The following BRD9 variants were observed in gnomAD, a reference collection of about 807,000 sequenced individuals.
The protein encoded by BRD9 is bromodomain-containing protein 9.
In BRD9, 47 loss-of-function variants were observed where a neutral mutation model predicts 68.7. That is an observed-to-expected ratio of 0.68 (90% CI 0.54 to 0.87). BRD9 has a LOEUF of 0.87. BRD9 is among the 40% of genes least tolerant of loss of function. BRD9 has a pLI of 0.00. For missense variants in BRD9, 670 were observed against 748.4 expected (o/e 0.90, Z 1.22); for synonymous variants, 313 against 293.9 (o/e 1.06, Z -0.67).
At chr5:870,300 A>G in intron 14 of BRD9, 173 bp downstream of exon 14, 1 of 597,328 alleles carries the variant, frequency 1.7e-6, no homozygotes, top group Non-Finnish European at 3.0e-6. Flanking sequence ...AGGAGATTCC[A>G]AGGATTTTAG....
intron 15 of BRD9, 59 bp downstream of exon 15, chr5:865,355 G>C: frequency 6.7e-7 from 1 of 1,503,088 alleles, no homozygotes; most frequent in Admixed American, 2.1e-5. Flanking sequence ...ACCTCGTCTA[G>C]ACGTCACACT....
intron 7 of BRD9, among the ~76,000 whole-genome samples, chr5:885,243 A>C (rs1051367619): frequency 5.9e-5 from 9 of 152,330 alleles, no homozygotes; most frequent in East Asian, 3.9e-4. Context: ...AATGCAACGC[A>C]CGTGGGGAGA....
chr5:887,247 T>G, intron 6 of BRD9, 114 bp downstream of exon 6: 227 of 869,070 alleles, frequency 2.6e-4, no homozygotes, highest in Middle Eastern at 5.5e-4. Flanking sequence ...GGCAACACCA[T>G]GAGGGTGGCG....
chr5:878,348 C>T lies in BRD9; in HGVS notation c.1271+7G>A. On this transcript the variant is annotated splice_region_variant and intron_variant, in intron 11 of 15. Transcript: ENST00000467963. ...GCAGCCAAGGGCTCCCCGGGGCCGACACTTGCCTCAGCGCACACTGCACGC... is the reference window on the plus strand; with the variant it reads ...GCAGCCAAGGGCTCCCCGGGGCCGATACTTGCCTCAGCGCACACTGCACGC... 5 of 1,613,580 alleles carry T rather than the reference C, an allele frequency of 3.1e-6. No homozygotes were observed. The highest frequency in any genetic ancestry group is 2.2e-5 in the East Asian group (1 of 44,882).
At chr5:875,335 A>G (rs987464766) in intron 12 of BRD9, among the ~76,000 whole-genome samples, 1 of 151,238 alleles carries the variant, frequency 6.6e-6, no homozygotes, top group African/African-American at 2.4e-5. Context: ...CAAAGATGAC[A>G]ATGACTTCAG....
chr5:887,322 CT>C, intron 6 of BRD9, 38 bp downstream of exon 6: 1 of 1,548,706 alleles, frequency 6.5e-7, no homozygotes, highest in Non-Finnish European at 8.9e-7. Flanking sequence ...GGCAGAGCCC[CT>C]GCTTTCCGTA....
chr5:892,752 C>CCA lies in BRD9; in HGVS notation c.-96_-95insTG, dbSNP rs1560939044. On this transcript the variant is annotated 5_prime_UTR_variant, in exon 1 of 16. Coordinates refer to ENST00000467963, the MANE Select transcript of BRD9 (RefSeq NM_023924.5). The stretch of plus-strand genomic sequence containing the variant: ...CCGCCCCCTGGCCCTGGCTGGCCGC[C>CCA]CGCGCTCGCTGCGCCGAGGTTGCCG... 1.7e-6 allele frequency: 2 copies of CCA among 1,177,938 alleles called. No individual in the cohort carries two copies. Among genetic ancestry groups the CCA allele is most frequent in the African/African-American group, 3.2e-5 (2 of 62,536 alleles). The allele number at this position is 1,177,938 out of a possible 1,614,324, so 73.0% of individuals were successfully genotyped here.
intron 3 of BRD9, among the ~76,000 whole-genome samples, chr5:890,692 C>G (rs539035461): frequency 6.6e-6 from 1 of 152,230 alleles, no homozygotes; most frequent in Non-Finnish European, 1.5e-5. Flanking sequence ...TGCGTTTTCA[C>G]TGACATGCAT....
At chr5:886,812 A>G (rs1230104484) in intron 6 of BRD9, 105 bp from the exon 7 acceptor site, 2 of 1,581,416 alleles carry the variant, frequency 1.3e-6, no homozygotes, top group Admixed American at 3.4e-5. Flanking sequence ...CCTCTCCCTC[A>G]CAGCCAGGGT....
chr5:890,520 C>G (rs904078988), intron 3 of BRD9, among the ~76,000 whole-genome samples: 1 of 152,218 alleles, frequency 6.6e-6, no homozygotes, highest in Non-Finnish European at 1.5e-5. Context: ...AAGTCCTTGT[C>G]AACTGGAAAT....
Position 891,805 on chromosome 5 carries a change from G to A in BRD9, c.102C>T (p.Val34=), listed in dbSNP as rs1241069406. 1 of 1,551,462 alleles carries A rather than the reference G, an allele frequency of 6.4e-7. No individual in the cohort carries two copies. The highest frequency in any genetic ancestry group is 1.4e-5 in the African/African-American group (1 of 73,092). ...AGAGTTCAGTCACTTCACTTCCTCC[G>A]ACCTTCAGGACTAGCTTTAGAGGCT... ...LEKPLKLVLK[V]GGSEVTELSG... is the part of the protein sequence containing the mutation. The change falls in exon 2 of 16, where the codon GTC becomes GTT. Residue 34 remains valine, a synonymous_variant. Transcript: ENST00000467963.
At chr5:875,200 T>C (rs906199352) in intron 12 of BRD9, among the ~76,000 whole-genome samples, 1 of 152,210 alleles carries the variant, frequency 6.6e-6, no homozygotes. Context: ...CCGAAGCATC[T>C]TCTTCTTCCT....
chr5:881,030 T>C (rs959399921), intron 9 of BRD9, 77 bp downstream of exon 9: 29 of 1,485,422 alleles, frequency 2.0e-5, no homozygotes, highest in Non-Finnish European at 2.7e-5. Context: ...TGGCTCAGCT[T>C]TTCATTACAG....
Position 892,788 on chromosome 5 carries a change from G to T in BRD9, c.-131C>A. On this transcript the variant is annotated 5_prime_UTR_variant, in exon 1 of 16. Coordinates refer to ENST00000467963, the MANE Select transcript of BRD9 (RefSeq NM_023924.5). The stretch of plus-strand genomic sequence containing the variant: ...GCGCCGAGGTTGCCGAGCTCGCTGG[G>T]CCGCGCCGGAAACGGGGCGAGGCGG... The T allele has an allele frequency of 1.9e-6, 2 of 1,062,500 alleles. No homozygotes were observed. Among genetic ancestry groups the T allele is most frequent in the Non-Finnish European group, 2.4e-6 (2 of 837,438 alleles). 65.8% of individuals were successfully genotyped at this position (1,062,500 alleles called of 1,614,324 possible). A position where few individuals can be genotyped will look rare whatever the true frequency, so the allele number is the denominator to read the frequency against.
At chr5:886,959 T>A in intron 6 of BRD9, 2 of 574,724 alleles carry the variant, frequency 3.5e-6, no homozygotes, top group South Asian at 2.0e-5. Flanking sequence ...CACCTCCCCT[T>A]TACCTTCTCC....
At chr5:868,181 C>G (rs888889695) in intron 14 of BRD9, among the ~76,000 whole-genome samples, 2 of 152,190 alleles carry the variant, frequency 1.3e-5, no homozygotes, top group African/African-American at 4.8e-5. Flanking sequence ...GCATGTTTCT[C>G]CTTCATCTTC....
In BRD9 at chr5:878,243, C is replaced by T. The variant is rs1054493365; in HGVS notation, c.1271+112G>A. 6 of 1,469,220 alleles carry T rather than the reference C, an allele frequency of 4.1e-6. No homozygotes were observed. The Admixed American group carries it at 5.6e-5, about 14-fold the overall frequency. The allele number at this position is 1,469,220 out of a possible 1,614,324, so 91.0% of individuals were successfully genotyped here. ...GGGAAGACCCAGGCTGCCATATGGA[C>T]GGCTGCAAGATGGCTCTCTCCCCAC... On this transcript the variant is annotated intron_variant, in intron 11 of 15. Coordinates refer to ENST00000467963, the MANE Select transcript of BRD9 (RefSeq NM_023924.5).
At chr5:875,365 G>C (rs1197326219) in intron 12 of BRD9, among the ~76,000 whole-genome samples, 1 of 130,868 alleles carries the variant, frequency 7.6e-6, no homozygotes, top group African/African-American at 2.9e-5. Context: ...TTTTTTTTTT[G>C]GAGATGGGGT....
At chr5:873,181 AG>A (rs531261965) in intron 12 of BRD9, among the ~76,000 whole-genome samples, 48 of 152,294 alleles carry the variant, frequency 3.2e-4, no homozygotes, top group Non-Finnish European at 6.6e-4. Context: ...AGAAAAAAAA[AG>A]AAAGAAAGTA....
Sources: allele counts gnomAD v4.1 joint callset (sites outside exome capture counted in the v4.1 genomes callset), GRCh38; gene constraint gnomAD v4.1.1; transcripts MANE v1.5; gene names NCBI Gene and HGNC (gene_info 2026-07-23, HGNC 2026-07-21).